Variants in PPM1L observed in about 807,000 individuals in gnomAD.
PPM1L encodes protein phosphatase 1L.
Under a neutral mutation model 31.4 loss-of-function variants are expected in PPM1L, and 13 were observed. The ratio of observed to expected loss-of-function variants is 0.41; its 90% CI spans 0.27 to 0.66. PPM1L has a LOEUF of 0.66. Among genes scored for constraint, PPM1L ranks in the 30% least tolerant of loss-of-function variants. The pLI, the probability that PPM1L is intolerant of heterozygous loss-of-function variation, is 0.29. For synonymous variants in PPM1L, 184 were observed against 175.4 expected (o/e 1.05, Z -0.39); for missense variants, 326 against 453.7 (o/e 0.72, Z 2.56).
intron 2 of PPM1L, among the ~76,000 whole-genome samples, chr3:161,000,797 T>C (rs1220210952): frequency 1.3e-5 from 2 of 152,216 alleles, no homozygotes; most frequent in Non-Finnish European, 2.9e-5. Context: ...TCCTGACTAG[T>C]ACTGTGTAGA....
intron 1 of PPM1L, among the ~76,000 whole-genome samples, chr3:160,957,238 T>C (rs989330838): frequency 3.3e-5 from 5 of 152,178 alleles, no homozygotes; most frequent in African/African-American, 1.2e-4. Flanking sequence ...CATGATCTCA[T>C]TTTTTTATAG....
At chr3:160,914,752 G>A (rs1714100907) in intron 1 of PPM1L, among the ~76,000 whole-genome samples, 2 of 152,096 alleles carry the variant, frequency 1.3e-5, no homozygotes, top group Admixed American at 6.5e-5. Flanking sequence ...CTAAACATAT[G>A]TGTGCATGTG....
chr3:160,808,047 A>G (rs1712657196), intron 1 of PPM1L, among the ~76,000 whole-genome samples: 1 of 152,194 alleles, frequency 6.6e-6, no homozygotes, highest in Non-Finnish European at 1.5e-5. Context: ...TAACTCTTCT[A>G]TTGGAAAATC....
intron 1 of PPM1L, among the ~76,000 whole-genome samples, chr3:160,853,209 G>A (rs1016002254): frequency 1.3e-5 from 2 of 152,036 alleles, no homozygotes; most frequent in Admixed American, 1.3e-4. Flanking sequence ...TTTCTTTTTG[G>A]CAGTGGGAGG....
intron 1 of PPM1L, among the ~76,000 whole-genome samples, chr3:160,901,427 A>C (rs1713538582): frequency 6.6e-6 from 1 of 152,132 alleles, no homozygotes; most frequent in Non-Finnish European, 1.5e-5. Flanking sequence ...TGTTTTTATA[A>C]GGGTCTACAG....
At chr3:161,043,131 G>T (rs1252902955) in intron 2 of PPM1L, among the ~76,000 whole-genome samples, 1 of 151,242 alleles carries the variant, frequency 6.6e-6, no homozygotes, top group Non-Finnish European at 1.5e-5. Flanking sequence ...GAAGAAGCCA[G>T]TTCAACTTAG....
chr3:160,915,716 G>A (rs1714147113), intron 1 of PPM1L, among the ~76,000 whole-genome samples: 1 of 152,130 alleles, frequency 6.6e-6, no homozygotes, highest in African/African-American at 2.4e-5. Flanking sequence ...CAGAGATATA[G>A]ACCAATGGAA....
intron 2 of PPM1L, among the ~76,000 whole-genome samples, chr3:161,027,894 A>G (rs554152739): frequency 7.5e-4 from 115 of 152,350 alleles, no homozygotes; most frequent in African/African-American, 2.8e-3. Flanking sequence ...AAACCTAACC[A>G]TATGGAGGGC....
chr3:160,806,547 A>G (rs1298372034), intron 1 of PPM1L, among the ~76,000 whole-genome samples: 4 of 152,160 alleles, frequency 2.6e-5, no homozygotes, highest in African/African-American at 9.7e-5. Context: ...TTGATATGTC[A>G]TAATATTGTC....
chr3:160,865,257 A>G (rs576245718), intron 1 of PPM1L, among the ~76,000 whole-genome samples: 2 of 152,342 alleles, frequency 1.3e-5, no homozygotes, highest in South Asian at 4.2e-4. Flanking sequence ...AAATCATGAA[A>G]TATGCAAATA....
At chr3:160,933,932 T>C (rs948705113) in intron 1 of PPM1L, among the ~76,000 whole-genome samples, 7 of 152,246 alleles carry the variant, frequency 4.6e-5, no homozygotes, top group Non-Finnish European at 5.9e-5. Flanking sequence ...TATGCTGTTA[T>C]GGATATTTCA....
At chr3:160,830,418 T>A (rs1168754329) in intron 1 of PPM1L, among the ~76,000 whole-genome samples, 1 of 152,094 alleles carries the variant, frequency 6.6e-6, no homozygotes, top group Non-Finnish European at 1.5e-5. Flanking sequence ...CCTAGTGGAG[T>A]CATTTGTTTG....
Position 161,077,686 on chromosome 3 carries a change from A to C in PPM1L, c.*8529A>C, listed in dbSNP as rs996623254. 1 of 152,242 alleles carries C rather than the reference A, an allele frequency of 6.6e-6. No homozygotes were observed. Among genetic ancestry groups the C allele is most frequent in the African/African-American group, 2.4e-5 (1 of 41,468 alleles). The allele number at this position is 152,242 out of a possible 1,614,324, so 9.4% of individuals were successfully genotyped here. ...GGAGCACAATTATTTCCTGATTTCA[A>C]ATATGAACAGAAGACTAAATGTCAT... On this transcript the variant is annotated 3_prime_UTR_variant, in exon 4 of 4. Transcript: ENST00000498165.
intron 1 of PPM1L, among the ~76,000 whole-genome samples, chr3:160,876,506 C>G (rs1712518069): frequency 6.6e-6 from 1 of 152,182 alleles, no homozygotes; most frequent in South Asian, 2.1e-4. Context: ...AATTGGCAAA[C>G]AAGATGTTAG....
At chr3:160,948,184 A>AAGATAT (rs1412682882) in intron 1 of PPM1L, among the ~76,000 whole-genome samples, 2 of 152,194 alleles carry the variant, frequency 1.3e-5, no homozygotes, top group Admixed American at 1.3e-4. Flanking sequence ...ACTTGGGAAA[A>AAGATAT]AGATATATTT....
intron 1 of PPM1L, among the ~76,000 whole-genome samples, chr3:160,818,579 G>T (rs1418115188): frequency 6.6e-6 from 1 of 151,980 alleles, no homozygotes; most frequent in Non-Finnish European, 1.5e-5. Context: ...ACAGAAAAAA[G>T]TAGCAGTTGT....
intron 1 of PPM1L, among the ~76,000 whole-genome samples, chr3:160,916,638 AT>A (rs1419441955): frequency 5.9e-5 from 9 of 152,212 alleles, no homozygotes; most frequent in African/African-American, 1.7e-4. Context: ...CTTAAAAAAA[AT>A]TTTTTTTAAG....
At position 160,967,309 on chromosome 3, in the gene PPM1L, T is replaced by C. The variant is rs1329435928; in HGVS notation, c.574+5399T>C. Among the ~76,000 whole-genome samples the C allele has an allele frequency of 9.9e-5, 15 of 152,056 alleles. 1 individual carries two copies. Among genetic ancestry groups the C allele is most frequent in the Admixed American group, 9.9e-4 (15 of 15,206 alleles). On this transcript the variant is annotated intron_variant, in intron 2 of 3. Coordinates refer to ENST00000498165, the MANE Select transcript of PPM1L (RefSeq NM_139245.4). ...TCTTGGGTATTTCTTCATAGCAGTA[T>C]GAAAATGGACTAATACACCCTGCTT...
intron 2 of PPM1L, among the ~76,000 whole-genome samples, chr3:160,978,590 G>A (rs1716687087): frequency 6.6e-6 from 1 of 152,200 alleles, no homozygotes. Flanking sequence ...AACACTTTGG[G>A]AGGCTTAAGT....
Sources: allele counts gnomAD v4.1 joint callset (sites outside exome capture counted in the v4.1 genomes callset), GRCh38; gene constraint gnomAD v4.1.1; transcripts MANE v1.5; gene names NCBI Gene and HGNC (gene_info 2026-07-23, HGNC 2026-07-21).